The following TSPEAR variants were observed in gnomAD, a reference collection of about 807,000 sequenced individuals.
TSPEAR encodes thrombospondin type laminin G domain and EAR repeats.
A neutral mutation model predicts 71.6 loss-of-function variants in TSPEAR; 69 were observed. That is an observed-to-expected ratio of 0.96 (90% CI 0.79 to 1.18). The LOEUF (loss-of-function observed/expected upper bound fraction) is 1.18, where lower values mean the gene tolerates loss of function less well. Ranked by LOEUF, TSPEAR falls within the 50% of genes most tolerant of loss-of-function variation. The probability of loss-of-function intolerance (pLI) is 0.00; values close to 1 mark genes in which losing one functional copy is unlikely to be tolerated. For missense variants in TSPEAR, 971 were observed against 894.9 expected (o/e 1.09, Z -1.09); for synonymous variants, 402 against 387.2 (o/e 1.04, Z -0.45).
At chr21:44,689,164 A>T (rs1396970084) in intron 1 of TSPEAR, among the ~76,000 whole-genome samples, 1 of 152,070 alleles carries the variant, frequency 6.6e-6, no homozygotes, top group Non-Finnish European at 1.5e-5. Context: ...ATAAACTAAC[A>T]TATCACTGCA....
chr21:44,530,832 C>T (rs1329225108), intron 4 of TSPEAR, among the ~76,000 whole-genome samples: 5 of 152,190 alleles, frequency 3.3e-5, no homozygotes, highest in Non-Finnish European at 7.3e-5. Flanking sequence ...TGAAGAGGAC[C>T]GTTGGGCAGG....
chr21:44,676,932 G>A, intron 1 of TSPEAR: 1 of 881,476 alleles, frequency 1.1e-6, no homozygotes, highest in Non-Finnish European at 1.9e-6. Context: ...GGGCAATCAG[G>A]GAGTTCAGAT....
chr21:44,563,040 G>A (rs233259), intron 2 of TSPEAR, among the ~76,000 whole-genome samples: 1 of 152,104 alleles, frequency 6.6e-6, no homozygotes, highest in African/African-American at 2.4e-5. Flanking sequence ...ATTTGGTGTT[G>A]TTGGGCCTAT....
At chr21:44,568,380 G>A (rs977508712) in intron 1 of TSPEAR, among the ~76,000 whole-genome samples, 3 of 152,206 alleles carry the variant, frequency 2.0e-5, no homozygotes, top group Non-Finnish European at 2.9e-5. Flanking sequence ...CAAAGGAAAC[G>A]CAGGAAGCGG....
chr21:44,673,572 C>A (rs991499486), intron 1 of TSPEAR, among the ~76,000 whole-genome samples: 26 of 151,984 alleles, frequency 1.7e-4, no homozygotes, highest in Non-Finnish European at 2.8e-4. Context: ...TCAACAACAA[C>A]AAAAAAATTG....
intron 2 of TSPEAR, among the ~76,000 whole-genome samples, chr21:44,556,946 A>G (rs1053465869): frequency 1.3e-5 from 2 of 152,204 alleles, no homozygotes; most frequent in Non-Finnish European, 2.9e-5. Context: ...AGTAAAAGGA[A>G]ACCAACTTCA....
intron 1 of TSPEAR, among the ~76,000 whole-genome samples, chr21:44,569,027 CT>C (rs2053747628): frequency 6.6e-6 from 1 of 152,210 alleles, no homozygotes; most frequent in South Asian, 2.1e-4. Context: ...CCTCCCCCGC[CT>C]GCCTGCACGT....
intron 2 of TSPEAR, among the ~76,000 whole-genome samples, chr21:44,561,138 A>G (rs587629870): frequency 6.6e-6 from 1 of 152,304 alleles, no homozygotes; most frequent in East Asian, 1.9e-4. Flanking sequence ...GCAATAAAAA[A>G]TGATAAAGGG....
At chr21:44,571,673 T>A (rs1403269600) in intron 1 of TSPEAR, among the ~76,000 whole-genome samples, 2 of 152,084 alleles carry the variant, frequency 1.3e-5, no homozygotes, top group African/African-American at 4.8e-5. Flanking sequence ...GGACAGCGTG[T>A]TGAAAGGGCA....
Position 44,666,715 on chromosome 21 carries a change from C to T in TSPEAR, c.82+44718G>A, listed in dbSNP as rs377030155. The T allele has an allele frequency of 2.4e-5, 39 of 1,613,586 alleles. No homozygotes were observed. The highest frequency in any genetic ancestry group is 2.2e-4 in the East Asian group (10 of 44,856). ...ACACACACAGAAGACTGGCAGCTCA[C>T]GGGCAGGCACACGGCTGGCTTGAAG... is the stretch of plus-strand genomic sequence containing the variant. On this transcript the variant is annotated intron_variant, in intron 1 of 11. Coordinates refer to ENST00000323084, the MANE Select transcript of TSPEAR (RefSeq NM_144991.3).
At chr21:44,666,014 C>A (rs1300159987) in intron 1 of TSPEAR, among the ~76,000 whole-genome samples, 1 of 152,162 alleles carries the variant, frequency 6.6e-6, no homozygotes, top group Non-Finnish European at 1.5e-5. Flanking sequence ...GCCCCAGGAG[C>A]CCTGGGAGAG....
intron 1 of TSPEAR, chr21:44,697,952 G>A (rs1987461881): frequency 6.2e-7 from 1 of 1,602,116 alleles, no homozygotes; most frequent in South Asian, 1.1e-5. Context: ...CCTCTGCTCA[G>A]GCCAGAAGTC....
chr21:44,616,305 G>T (rs1982091477), intron 1 of TSPEAR, among the ~76,000 whole-genome samples: 1 of 152,178 alleles, frequency 6.6e-6, no homozygotes, highest in African/African-American at 2.4e-5. Context: ...CTAAAGCGGG[G>T]AGAGATCTTA....
chr21:44,602,388 G>A (rs385033), intron 1 of TSPEAR, among the ~76,000 whole-genome samples: 126,036 of 152,168 alleles, frequency 0.83, 53,961 homozygotes, highest in Non-Finnish European at 0.94. Flanking sequence ...CCTGCCCTGG[G>A]TGGGGCTGCT....
intron 1 of TSPEAR, among the ~76,000 whole-genome samples, chr21:44,576,689 G>C (rs587680553): frequency 6.6e-6 from 1 of 152,318 alleles, no homozygotes; most frequent in South Asian, 2.1e-4. Flanking sequence ...GAACACTGCT[G>C]GTTGAGGTCC....
At position 44,592,640 on chromosome 21, in the gene TSPEAR, G is replaced by A. The variant is rs782571290; in HGVS notation, c.83-24635C>T. On this transcript the variant is annotated intron_variant, in intron 1 of 11. Coordinates refer to ENST00000323084, the MANE Select transcript of TSPEAR (RefSeq NM_144991.3). ...CTGCCGGGATTAGGGGTGTTTGTTC[G>A]CCCGTGATGTGGGCCAGCTCATAAA... 1.8e-5 allele frequency: 22 copies of A among 1,192,086 alleles called. No individual in the cohort carries two copies. In the Middle Eastern group the frequency reaches 8.5e-4, roughly 46 times the overall value. 73.8% of individuals were successfully genotyped at this position (1,192,086 alleles called of 1,614,324 possible).
rs456444 is a variant in TSPEAR, at chr21:44,579,403, C to A, written c.83-11398G>T. On this transcript the variant is annotated intron_variant, in intron 1 of 11. Coordinates refer to ENST00000323084, the MANE Select transcript of TSPEAR (RefSeq NM_144991.3). ...TCATAGAAACAGTCATGGCTAGAGA[C>A]CAATCTGAGCTCAAAACCATGTATC... 3,206 of 365,364 alleles carry A rather than the reference C, an allele frequency of 8.8e-3. 98 individuals are homozygous for A. The highest frequency in any genetic ancestry group is 0.061 in the African/African-American group (2,993 of 48,872). 22.6% of individuals were successfully genotyped at this position (365,364 alleles called of 1,614,324 possible).
At chr21:44,681,717 T>G (rs1394527685) in intron 1 of TSPEAR, 3 of 1,305,734 alleles carry the variant, frequency 2.3e-6, no homozygotes, top group Non-Finnish European at 3.2e-6. Context: ...TTCAGAGGGT[T>G]CACTGAGCAT....
At chr21:44,539,621 G>C in intron 2 of TSPEAR, 1 of 1,613,782 alleles carries the variant, frequency 6.2e-7, no homozygotes. Context: ...CTGGCAGGGG[G>C]AGGAGGTGCA....
Sources: allele counts gnomAD v4.1 joint callset (sites outside exome capture counted in the v4.1 genomes callset), GRCh38; gene constraint gnomAD v4.1.1; transcripts MANE v1.5; gene names NCBI Gene and HGNC (gene_info 2026-07-23, HGNC 2026-07-21).